Variants in TIE1 observed in about 807,000 individuals in gnomAD.
TIE1 encodes the protein tyrosine-protein kinase receptor Tie-1.
A neutral mutation model predicts 130.5 loss-of-function variants in TIE1; 89 were observed. That is an observed-to-expected ratio of 0.68 (90% confidence interval 0.57 to 0.81). TIE1 has a LOEUF of 0.81. TIE1 is among the 40% of genes least tolerant of loss of function. TIE1 has a pLI of 0.00. For missense variants in TIE1, 1,392 were observed against 1,559.8 expected, an observed-to-expected ratio of 0.89 and a Z score of 1.81; for synonymous variants, 568 against 629.4, an observed-to-expected ratio of 0.90 and a Z score of 1.46.
rs1646918193 is a variant in TIE1 at position 43,321,404 on chromosome 1, C to T, written c.3157C>T (p.Pro1053Ser). Reference protein sequence around the residue: ...LWEIVSLGGTPYCGMTCAELY... With the variant: ...LWEIVSLGGTSYCGMTCAELY... ...TTTGTCCCCTCCTGCAGGAGGTACA[C>T]CCTACTGTGGCATGACCTGTGCCGA... The change falls in exon 21 of 23, where the codon CCC (proline) becomes TCC (serine). Residue 1053 changes from proline (P) to serine (S), a missense_variant. Pro to Ser is a moderately conservative substitution (Grantham distance 74, BLOSUM62 -1). Around this residue, in one of 6 missense-constraint regions of TIE1, gnomAD observed 104 missense variants for 129.3 expected, o/e 0.80. Transcript: ENST00000372476. 3.1e-6 allele frequency: 5 copies of T among 1,613,884 alleles called. No homozygotes were observed. Among genetic ancestry groups the T allele is most frequent in the Non-Finnish European group, 3.4e-6 (4 of 1,179,970 alleles).
In TIE1 at chr1:43,312,493, C is replaced by G. The variant is rs1456500272; in HGVS notation, c.1819C>G (p.Leu607Val). 1.2e-6 allele frequency: 2 copies of G among 1,612,892 alleles called. No individual in the cohort carries two copies. The highest frequency in any genetic ancestry group is 2.7e-5 in the African/African-American group (2 of 74,906). ...ATCCCCCCAGGCCCGCACTGCCCTC[C>G]TGACGGGACTCACGCCTGGCACCCA... is the stretch of plus-strand genomic sequence containing the variant. ...VSSPQARTAL[L>V]TGLTPGTHYQ... The change falls in exon 12 of 23, where the codon CTG (leucine) becomes GTG (valine). Residue 607 changes from leucine to valine, a missense_variant. Transcript: ENST00000372476. This position sits in a 1 kb window ranked among gnomAD's most constrained non-coding sequence, Gnocchi z 5.6.
intron 14 of TIE1, chr1:43,314,178 A>G: frequency 1.4e-6 from 1 of 723,016 alleles, no homozygotes. Context: ...GCCCATTTAT[A>G]TTAGTGGTGA....
chr1:43,313,131 C>T lies in TIE1; in HGVS notation c.1928-4C>T. The T allele has an allele frequency of 1.9e-6, 3 of 1,597,636 alleles. No individual in the cohort carries two copies. Among genetic ancestry groups the T allele is most frequent in the South Asian group, 1.1e-5 (1 of 87,648 alleles). On this transcript the variant is annotated splice_region_variant and splice_polypyrimidine_tract_variant and intron_variant, in intron 12 of 22. Transcript: ENST00000372476. This position sits in a 1 kb window ranked among gnomAD's most constrained non-coding sequence, Gnocchi z 6.2. ...AGCCTTGCCTTCCCCCACCATCTCCCCAGGGCCTCCAGCCCCCCGACACCT... is the reference window on the plus strand; with the variant it reads ...AGCCTTGCCTTCCCCCACCATCTCCTCAGGGCCTCCAGCCCCCCGACACCT...
In TIE1 at chr1:43,313,518, G is replaced by A; in HGVS notation, c.2218+93G>A. 2 of 1,461,996 alleles carry A rather than the reference G, an allele frequency of 1.4e-6. No individual in the cohort carries two copies. The highest frequency in any genetic ancestry group is 2.5e-5 in the South Asian group (2 of 79,028). 90.6% of individuals were successfully genotyped at this position (1,461,996 alleles called of 1,614,324 possible). On this transcript the variant is annotated intron_variant, in intron 13 of 22. Coordinates refer to ENST00000372476, the MANE Select transcript of TIE1 (RefSeq NM_005424.5). This position sits in a 1 kb window ranked among gnomAD's most constrained non-coding sequence, Gnocchi z 6.2. Reference sequence around the variant, plus strand: ...ACATCACCCCCTACTGTGGAGCTAGGGCATCCCAGGCCCCTCCTGACAAAG... The same window carrying A: ...ACATCACCCCCTACTGTGGAGCTAGAGCATCCCAGGCCCCTCCTGACAAAG...
chr1:43,313,957 C>A lies in TIE1; in HGVS notation c.2398C>A (p.Gln800Lys). 6.2e-7 allele frequency: 1 copy of A among 1,614,144 alleles called. No homozygotes were observed. The highest frequency in any genetic ancestry group is 8.5e-7 in the Non-Finnish European group (1 of 1,180,020). The change falls in exon 14 of 23, where the codon CAG becomes AAG. Residue 800 changes from glutamine to lysine, a missense_variant. Physicochemically the swap from Gln to Lys is moderately conservative, Grantham distance 53. Coordinates refer to ENST00000372476, the MANE Select transcript of TIE1 (RefSeq NM_005424.5). The surrounding 1 kb of genome is among the most constrained non-coding windows in gnomAD (Gnocchi z 6.2). ...CLHRRRTFTY[Q>K]SGSGEETILQ... The stretch of plus-strand genomic sequence containing the variant: ...GCATCGGAGACGCACCTTCACCTAC[C>A]AGTCAGGCTCGGTCAGTGACCCGCC...
At chr1:43,302,959 C>G (rs946572534) in intron 1 of TIE1, among the ~76,000 whole-genome samples, 41 of 152,118 alleles carry the variant, frequency 2.7e-4, no homozygotes, top group African/African-American at 9.4e-4. Context: ...ACTTTAGAAT[C>G]AGACAACCTG....
Position 43,307,017 on chromosome 1 carries a change from T to C in TIE1, c.640+22T>C. On this transcript the variant is annotated intron_variant, in intron 4 of 22. Coordinates refer to ENST00000372476, the MANE Select transcript of TIE1 (RefSeq NM_005424.5). The surrounding 1 kb of genome is among the most constrained non-coding windows in gnomAD (Gnocchi z 5.4). ...CGGGGTCAGAGGCAGAGGGCAGAGG[T>C]TGTGGGTAGGGTGGGAGGCTGGGAG... 1 of 1,613,052 alleles carries C rather than the reference T, an allele frequency of 6.2e-7. No homozygotes were observed. The highest frequency in any genetic ancestry group is 8.5e-7 in the Non-Finnish European group (1 of 1,179,796).
chr1:43,322,545 A>G lies in TIE1; in HGVS notation c.3346-106A>G. On this transcript the variant is annotated intron_variant, in intron 22 of 22. Coordinates refer to ENST00000372476, the MANE Select transcript of TIE1 (RefSeq NM_005424.5). The surrounding 1 kb of genome is among the most constrained non-coding windows in gnomAD (Gnocchi z 4.0). ...CCATGGGGCCATCTTAGGTCTCCAG[A>G]ACAAATCAGTGTCAGTTCAAATGCC... The G allele has an allele frequency of 1.2e-6, 1 of 846,126 alleles. No homozygotes were observed. The highest frequency in any genetic ancestry group is 1.5e-5 in the South Asian group (1 of 65,518). 52.4% of individuals were successfully genotyped at this position (846,126 alleles called of 1,614,324 possible).
At position 43,318,155 on chromosome 1, in the gene TIE1, T is replaced by C; in HGVS notation, c.2922+83T>C. ...GTGGAAGAAGTCAGCCGGCCCTGAT[T>C]GTATCTGGGGATTGAGGTTCCTGGC... On this transcript the variant is annotated intron_variant, in intron 17 of 22. Coordinates refer to ENST00000372476, the MANE Select transcript of TIE1 (RefSeq NM_005424.5). The surrounding 1 kb of genome is among the most constrained non-coding windows in gnomAD (Gnocchi z 4.4). The C allele has an allele frequency of 6.1e-6, 9 of 1,464,106 alleles. No homozygotes were observed. Among genetic ancestry groups the C allele is most frequent in the South Asian group, 1.4e-5 (1 of 72,176 alleles). The allele number at this position is 1,464,106 out of a possible 1,614,324, so 90.7% of individuals were successfully genotyped here.
rs1274197983 is a variant in TIE1, at chr1:43,322,764, A to G, written c.*42A>G. ...AACGTGGCTCTGCTGGCCGGAGCAA[A>G]CTCTGCTGTCTAACCTGTGACCAGT... On this transcript the variant is annotated 3_prime_UTR_variant, in exon 23 of 23. Coordinates refer to ENST00000372476, the MANE Select transcript of TIE1 (RefSeq NM_005424.5). This position sits in a 1 kb window ranked among gnomAD's most constrained non-coding sequence, Gnocchi z 4.0. The G allele has an allele frequency of 5.7e-6, 9 of 1,592,392 alleles. No homozygotes were observed. Among genetic ancestry groups the G allele is most frequent in the Non-Finnish European group, 7.7e-6 (9 of 1,163,682 alleles).
chr1:43,319,890 C>T lies in TIE1; in HGVS notation c.3107+361C>T, dbSNP rs530894130. The T allele has an allele frequency of 7.0e-5, 22 of 312,544 alleles. No homozygotes were observed. Among genetic ancestry groups the T allele is most frequent in the African/African-American group, 4.5e-4 (21 of 46,628 alleles). 19.4% of individuals were successfully genotyped at this position (312,544 alleles called of 1,614,324 possible). ...TCCCTGAAGGGCAAGGTCATGCCCA[C>T]CTGAGGATCTTACCAGAGCATGACC... On this transcript the variant is annotated intron_variant, in intron 19 of 22. Transcript: ENST00000372476. This position sits in a 1 kb window ranked among gnomAD's most constrained non-coding sequence, Gnocchi z 4.7.
chr1:43,311,559 A>G (rs531989412), intron 9 of TIE1, 112 bp from the exon 10 acceptor site: 111 of 1,407,256 alleles, frequency 7.9e-5, no homozygotes, highest in Non-Finnish European at 1.0e-4. Context: ...CACTATGGTC[A>G]TCTGTTGAAC....
intron 1 of TIE1, among the ~76,000 whole-genome samples, 178 bp from the exon 2 acceptor site, chr1:43,304,673 T>G (rs1197828972): frequency 6.6e-6 from 1 of 150,890 alleles, no homozygotes; most frequent in Non-Finnish European, 1.5e-5. Flanking sequence ...TGGGAATGCC[T>G]GATAAAGTGA....
chr1:43,304,974 T>C lies in TIE1; in HGVS notation c.182T>C (p.Leu61Pro). 6.8e-7 allele frequency: 1 copy of C among 1,475,388 alleles called. No individual in the cohort carries two copies. 91.4% of individuals were successfully genotyped at this position (1,475,388 alleles called of 1,614,324 possible). A position where few individuals can be genotyped will look rare whatever the true frequency, so the allele number is the denominator to read the frequency against. Residue 61 changes from leucine to proline, a missense_variant, in exon 2 of 23, where the codon CTG becomes CCG. Transcript: ENST00000372476. Reference protein sequence around the residue: ...GRGSDAWGPPLLLEKDDRIVR... With the variant: ...GRGSDAWGPPPLLEKDDRIVR... ...GGCTCGGACGCCTGGGGCCCGCCCC[T>C]GCTGCTGGAGAAGGACGACCGTATC...
chr1:43,302,232 T>A (rs1042387123), intron 1 of TIE1, among the ~76,000 whole-genome samples: 14 of 152,342 alleles, frequency 9.2e-5, no homozygotes, highest in African/African-American at 3.1e-4. Flanking sequence ...ACCTAGTCTG[T>A]ACAATGAGAT....
At position 43,313,943 on chromosome 1, in the gene TIE1, G is replaced by A. The variant is rs1291743772; in HGVS notation, c.2384G>A (p.Arg795His). The A allele has an allele frequency of 1.9e-6, 3 of 1,613,962 alleles. No individual in the cohort carries two copies. Among genetic ancestry groups the A allele is most frequent in the African/African-American group, 1.3e-5 (1 of 74,880 alleles). ...CIRRSCLHRR[R>H]TFTYQSGSGE... ...CGCAGAAGCTGCCTGCATCGGAGAC[G>A]CACCTTCACCTACCAGTCAGGCTCG... is the stretch of plus-strand genomic sequence containing the variant. Residue 795 changes from arginine to histidine, a missense_variant, in exon 14 of 23, where the codon CGC (arginine) becomes CAC (histidine). By Grantham distance (29) the Arg-to-His change is conservative (BLOSUM62 0). This residue lies in a region of TIE1 where 286 missense variants were observed against 354.4 expected (regional missense o/e 0.81). Transcript: ENST00000372476. The surrounding 1 kb of genome is among the most constrained non-coding windows in gnomAD (Gnocchi z 6.2).
At chr1:43,302,299 A>G (rs1382851948) in intron 1 of TIE1, among the ~76,000 whole-genome samples, 1 of 152,150 alleles carries the variant, frequency 6.6e-6, no homozygotes, top group African/African-American at 2.4e-5. Flanking sequence ...AATGATGCAG[A>G]GCAGTTGGCA....
rs142695355 is a variant in TIE1, at chr1:43,309,008, C to T, written c.1065C>T (p.Asn355=). The T allele has an allele frequency of 9.9e-6, 16 of 1,613,968 alleles. No individual in the cohort carries two copies. The African/African-American group carries it at 2.1e-4, about 22-fold the overall frequency. The change falls in exon 8 of 23, where the codon AAC becomes AAT. Residue 355 remains asparagine, a synonymous_variant. Coordinates refer to ENST00000372476, the MANE Select transcript of TIE1 (RefSeq NM_005424.5). This position sits in a 1 kb window ranked among gnomAD's most constrained non-coding sequence, Gnocchi z 6.3. ...CAGACCGGATCCCCCAGATCCTCAACATGGCCTCAGAACTGGAGTTCAACT... is the reference window on the plus strand; with the variant it reads ...CAGACCGGATCCCCCAGATCCTCAATATGGCCTCAGAACTGGAGTTCAACT... ...EKSDRIPQIL[N]MASELEFNLE...
At position 43,312,600 on chromosome 1, in the gene TIE1, T is replaced by G; in HGVS notation, c.1926T>G (p.Ser642Arg). The G allele has an allele frequency of 6.2e-7, 1 of 1,600,594 alleles. No individual in the cohort carries two copies. The highest frequency in any genetic ancestry group is 8.5e-7 in the Non-Finnish European group (1 of 1,173,002). ...CTGCACACGTGCTTCTGCCCCCCAG[T>G]GGTATGTGCAAGGCGCAAGGATAGC... Reference protein sequence around the residue: ...SPPAHVLLPPSGPPAPRHLHA... With the variant: ...SPPAHVLLPPRGPPAPRHLHA... Residue 642 changes from serine (S) to arginine (R), a missense_variant and splice_region_variant, in exon 12 of 23, where the codon AGT (serine) becomes AGG (arginine). By Grantham distance (110) the Ser-to-Arg change is moderately radical. This residue lies in a region of TIE1 where 551 missense variants were observed against 565.5 expected (regional missense o/e 0.97). Transcript: ENST00000372476. This position sits in a 1 kb window ranked among gnomAD's most constrained non-coding sequence, Gnocchi z 5.6.
Sources: allele counts gnomAD v4.1 joint callset (sites outside exome capture counted in the v4.1 genomes callset), GRCh38; gene constraint gnomAD v4.1.1; regional missense constraint gnomAD v4.1.1; non-coding constraint Gnocchi (gnomAD v3.1); transcripts MANE v1.5; gene names NCBI Gene and HGNC (gene_info 2026-07-23, HGNC 2026-07-21).